CD109: variants seen among roughly 807,000 people sequenced by gnomAD.
CD109 encodes the protein CD109 antigen.
CD109 carries 149 observed loss-of-function variants against 165.8 expected under a neutral mutation model. The ratio of observed to expected loss-of-function variants is 0.90; its 90% CI spans 0.79 to 1.03. The LOEUF (loss-of-function observed/expected upper bound fraction) is 1.03. Ranked by LOEUF, CD109 falls within the 50% of genes least tolerant of loss-of-function variation. CD109 has a pLI of 0.00. For missense variants in CD109, 1,712 were observed against 1,677.8 expected (o/e 1.02, Z -0.36); for synonymous variants, 585 against 592.1 (o/e 0.99, Z 0.18).
At chr6:73,792,877 T>C (rs1237799510) in intron 23 of CD109, 75 bp downstream of exon 23, 2 of 1,091,242 alleles carry the variant, frequency 1.8e-6, no homozygotes, top group African/African-American at 1.6e-5. Context: ...TTCTAGACCA[T>C]ATTTCAAAAT....
At chr6:73,728,676 A>G (rs568098353) in intron 3 of CD109, among the ~76,000 whole-genome samples, 5 of 152,308 alleles carry the variant, frequency 3.3e-5, no homozygotes, top group African/African-American at 4.8e-5. Flanking sequence ...CACTTTCTTC[A>G]TATTCTTAAC....
intron 29 of CD109, among the ~76,000 whole-genome samples, chr6:73,813,812 G>A (rs1028575669): frequency 6.6e-5 from 10 of 152,106 alleles, no homozygotes; most frequent in African/African-American, 2.4e-4. Flanking sequence ...TATGACCCAA[G>A]AGACAGAGTA....
chr6:73,765,871 C>G lies in CD109; in HGVS notation c.1108-59C>G, dbSNP rs1274351060. The G allele has an allele frequency of 1.3e-5, 16 of 1,203,900 alleles. No individual in the cohort carries two copies. In the East Asian group the frequency reaches 3.8e-4, roughly 28 times the overall value. 74.6% of individuals were successfully genotyped at this position (1,203,900 alleles called of 1,614,324 possible). ...TTCATGAGAATACTACAGACGGAAA[C>G]TGTATTTAATCGTACTTAAATCCTT... is the stretch of plus-strand genomic sequence containing the variant. On this transcript the variant is annotated intron_variant, in intron 10 of 32. Coordinates refer to ENST00000287097, the MANE Select transcript of CD109 (RefSeq NM_133493.5).
At chr6:73,732,729 A>G (rs1772410315) in intron 4 of CD109, among the ~76,000 whole-genome samples, 1 of 152,196 alleles carries the variant, frequency 6.6e-6, no homozygotes, top group South Asian at 2.1e-4. Flanking sequence ...GGTTCTGGAT[A>G]ATTAGTCTGT....
At chr6:73,689,211 T>C in the CD109 span, among the ~76,000 whole-genome samples, 1 of 152,368 alleles carries the variant, frequency 6.6e-6, no homozygotes. Context: ...TTCTGTGAGC[T>C]GCTCTAGCAA....
At chr6:73,690,387 A>T in the CD109 span, among the ~76,000 whole-genome samples, 1 of 152,128 alleles carries the variant, frequency 6.6e-6, no homozygotes, top group African/African-American at 2.4e-5. Flanking sequence ...TTTATTATGC[A>T]GGTGATAAAC....
intron 15 of CD109, among the ~76,000 whole-genome samples, chr6:73,773,021 C>G (rs1774101672): frequency 6.7e-6 from 1 of 149,710 alleles, no homozygotes; most frequent in Non-Finnish European, 1.5e-5. Context: ...ATAATAGTAT[C>G]TGTTATTTTA....
At chr6:73,694,930 C>G (rs1232601531), upstream of CD109, 1 of 152,292 alleles carries the variant, frequency 6.6e-6, no homozygotes, top group East Asian at 1.9e-4. Context: ...GATAGGCTGC[C>G]TGAAGGAAAG....
In CD109 at chr6:73,696,236, G is replaced by C. The variant is rs1370249792; in HGVS notation, c.21G>C (p.Leu7=). Residue 7 remains leucine (L), a synonymous_variant, in exon 1 of 33, where the codon CTG becomes CTC. Transcript: ENST00000287097. MQGPPL[L]TAAHLLCVCT... ...TCGAGATGCAGGGCCCACCGCTCCT[G>C]ACCGCCGCCCACCTCCTCTGCGTGT... 8 of 1,544,510 alleles carry C rather than the reference G, an allele frequency of 5.2e-6. No individual in the cohort carries two copies. Among genetic ancestry groups the C allele is most frequent in the South Asian group, 3.6e-5 (3 of 84,306 alleles).
chr6:73,802,249 A>ATGTGTGTG (rs1425635749), intron 23 of CD109, among the ~76,000 whole-genome samples: 1 of 126,836 alleles, frequency 7.9e-6, no homozygotes, highest in African/African-American at 3.2e-5. Context: ...ACCACTGAGC[A>ATGTGTGTG]TGTGTATATG....
chr6:73,798,880 C>T (rs1183313810), intron 23 of CD109, among the ~76,000 whole-genome samples: 1 of 152,144 alleles, frequency 6.6e-6, no homozygotes. Flanking sequence ...GCACATGGTC[C>T]TCTCCTTGAG....
chr6:73,698,519 A>T (rs1219585073), intron 2 of CD109, among the ~76,000 whole-genome samples: 1 of 149,310 alleles, frequency 6.7e-6, no homozygotes. Flanking sequence ...AGAGTTATTT[A>T]AAAAAAAAAA....
chr6:73,745,963 C>G (rs144830412), intron 5 of CD109, among the ~76,000 whole-genome samples: 79 of 152,362 alleles, frequency 5.2e-4, no homozygotes, highest in African/African-American at 1.8e-3. Context: ...CTTCTGACCT[C>G]AAGTGATCCG....
chr6:73,740,603 C>CTTTT (rs776790429), intron 5 of CD109, among the ~76,000 whole-genome samples: 1 of 111,914 alleles, frequency 8.9e-6, no homozygotes, highest in Non-Finnish European at 1.9e-5. Context: ...TTCTTTCTTT[C>CTTTT]TTTTTTTTTT....
At chr6:73,703,452 G>A (rs1290083907) in intron 2 of CD109, among the ~76,000 whole-genome samples, 1 of 152,218 alleles carries the variant, frequency 6.6e-6, no homozygotes, top group Non-Finnish European at 1.5e-5. Context: ...ATATGGCTGG[G>A]AGACTGAGGT....
intron 22 of CD109, among the ~76,000 whole-genome samples, chr6:73,790,808 A>G (rs767724565): frequency 6.6e-6 from 1 of 152,104 alleles, no homozygotes; most frequent in East Asian, 1.9e-4. Flanking sequence ...CAGTCCACCA[A>G]TTCAAATGCT....
intron 10 of CD109, among the ~76,000 whole-genome samples, chr6:73,764,677 G>A (rs1048888777): frequency 5.3e-5 from 8 of 152,108 alleles, no homozygotes; most frequent in Non-Finnish European, 7.4e-5. Context: ...TTAGGCGGGC[G>A]TGGTGGCACA....
intron 23 of CD109, among the ~76,000 whole-genome samples, 195 bp downstream of exon 23, chr6:73,792,997 C>G (rs1167232299): frequency 6.6e-6 from 1 of 152,168 alleles, no homozygotes; most frequent in Admixed American, 6.5e-5. Context: ...TATTCACTCA[C>G]TGCTGCTAAG....
At chr6:73,804,357 A>G (rs950981321) in intron 24 of CD109, among the ~76,000 whole-genome samples, 5 of 152,216 alleles carry the variant, frequency 3.3e-5, no homozygotes, top group African/African-American at 1.2e-4. Context: ...ACCTCAGTAT[A>G]GTGTTTTGTA....
Sources: allele counts gnomAD v4.1 joint callset (sites outside exome capture counted in the v4.1 genomes callset), GRCh38; gene constraint gnomAD v4.1.1; transcripts MANE v1.5; gene names NCBI Gene and HGNC (gene_info 2026-07-23, HGNC 2026-07-21).